ADK: variants seen among roughly 807,000 people sequenced by gnomAD.
ADK encodes the protein N6,N6-dimethyladenosine kinase.
ADK carries 24 observed loss-of-function variants against 44.7 expected under a neutral mutation model. The ratio of observed to expected loss-of-function variants is 0.54; its 90% CI spans 0.39 to 0.76. The LOEUF is 0.76. ADK is among the 30% of genes least tolerant of loss of function. The pLI is 0.00. For missense variants in ADK, 321 were observed against 425.1 expected, an observed-to-expected ratio of 0.76 and a Z score of 2.15; for synonymous variants, 128 against 142.6, an observed-to-expected ratio of 0.90 and a Z score of 0.73.
chr10:74,472,388 T>G (rs767969966), intron 6 of ADK, among the ~76,000 whole-genome samples: 27 of 152,176 alleles, frequency 1.8e-4, no homozygotes, highest in Admixed American at 6.5e-4. Context: ...TTTTGCCAAA[T>G]AGTTTTTCTG....
At chr10:74,356,002 A>ATATTGTTTTTTTTTTTT (rs57958159) in intron 4 of ADK, among the ~76,000 whole-genome samples, 1 of 83,310 alleles carries the variant, frequency 1.2e-5, no homozygotes, top group African/African-American at 5.1e-5. Flanking sequence ...TAAATAATTC[A>ATATTGTTTTTTTTTTTT]TTTTTTTTTT....
chr10:74,247,224 G>GTTTTTTTTTTTTTTTTTTTTTTTTTTTTT (rs142274121), intron 3 of ADK, among the ~76,000 whole-genome samples: 15 of 72,004 alleles, frequency 2.1e-4, no homozygotes, highest in Non-Finnish European at 2.8e-4. Context: ...TTTTTTTTAA[G>GTTTTTTTTTTTTTTTTTTTTTTTTTTTTT]TTTTTTTTTT....
intron 3 of ADK, among the ~76,000 whole-genome samples, chr10:74,232,879 C>G (rs1197365524): frequency 6.6e-6 from 1 of 152,168 alleles, no homozygotes; most frequent in African/African-American, 2.4e-5. Context: ...CCGCCTTGCC[C>G]TCCCAAAGTG....
chr10:74,182,007 A>G (rs1842577764), intron 1 of ADK, among the ~76,000 whole-genome samples: 1 of 152,164 alleles, frequency 6.6e-6, no homozygotes, highest in African/African-American at 2.4e-5. Context: ...TTAAGCCTAC[A>G]TTGGAAAATT....
chr10:74,451,067 CTT>C (rs35120068), intron 6 of ADK, among the ~76,000 whole-genome samples: 120 of 72,160 alleles, frequency 1.7e-3, no homozygotes, highest in African/African-American at 6.5e-3. Flanking sequence ...GCTCTGCTGC[CTT>C]TTTTTTTTTT....
intron 6 of ADK, among the ~76,000 whole-genome samples, chr10:74,463,499 G>A (rs1004387693): frequency 1.3e-5 from 2 of 152,016 alleles, no homozygotes; most frequent in African/African-American, 4.8e-5. Context: ...ATCTAATGCC[G>A]CCAGTTATCT....
At chr10:74,277,033 T>C (rs1846711494) in intron 3 of ADK, among the ~76,000 whole-genome samples, 1 of 152,130 alleles carries the variant, frequency 6.6e-6, no homozygotes, top group Non-Finnish European at 1.5e-5. Flanking sequence ...TTCTCCTGCC[T>C]CAGCCTCCGG....
intron 6 of ADK, among the ~76,000 whole-genome samples, chr10:74,500,214 A>G (rs1847842969): frequency 6.6e-6 from 1 of 152,148 alleles, no homozygotes; most frequent in African/African-American, 2.4e-5. Context: ...TCTTGGAACA[A>G]AGAAACACTA....
intron 3 of ADK, among the ~76,000 whole-genome samples, chr10:74,243,243 C>T (rs1003171855): frequency 2.0e-5 from 3 of 152,214 alleles, no homozygotes; most frequent in Non-Finnish European, 4.4e-5. Context: ...AGCTTTCTCT[C>T]GCTGGCTCCT....
intron 4 of ADK, among the ~76,000 whole-genome samples, chr10:74,338,114 T>TAACAAC (rs77774358): frequency 0.013 from 2,003 of 150,882 alleles, 14 homozygotes; most frequent in Middle Eastern, 0.021. Context: ...ATTTCTAGGA[T>TAACAAC]AACAACAACA....
chr10:74,532,058 A>G (rs1849307524), intron 7 of ADK, among the ~76,000 whole-genome samples: 1 of 152,248 alleles, frequency 6.6e-6, no homozygotes. Context: ...ACAATATATT[A>G]AAAGAGTAAT....
intron 7 of ADK, among the ~76,000 whole-genome samples, chr10:74,542,963 C>T (rs1335183015): frequency 1.3e-5 from 2 of 151,488 alleles, no homozygotes; most frequent in Admixed American, 1.3e-4. Context: ...TGCAGTGGTG[C>T]GATCTCGGCT....
chr10:74,194,122 C>T (rs1003929070), intron 1 of ADK, among the ~76,000 whole-genome samples: 10 of 151,954 alleles, frequency 6.6e-5, no homozygotes, highest in African/African-American at 2.2e-4. Context: ...TATGTGGAAG[C>T]CCTTGGGTAG....
intron 9 of ADK, among the ~76,000 whole-genome samples, chr10:74,663,937 T>C (rs1854846312): frequency 6.6e-6 from 1 of 152,156 alleles, no homozygotes; most frequent in African/African-American, 2.4e-5. Flanking sequence ...CGGATTCTCA[T>C]TTTTTCCCTA....
intron 3 of ADK, among the ~76,000 whole-genome samples, chr10:74,241,362 C>A (rs2132301927): frequency 6.6e-6 from 1 of 152,232 alleles, no homozygotes; most frequent in Admixed American, 6.5e-5. Flanking sequence ...AATTGATGAA[C>A]CAATATTGAC....
intron 2 of ADK, among the ~76,000 whole-genome samples, chr10:74,210,330 G>GGA (rs749530327): frequency 1.2e-5 from 1 of 84,920 alleles, no homozygotes. Flanking sequence ...TCCATCTCAG[G>GGA]AAAAAAAAAA....
At chr10:74,703,936 A>T (rs1856516955) in intron 10 of ADK, among the ~76,000 whole-genome samples, 1 of 152,228 alleles carries the variant, frequency 6.6e-6, no homozygotes, top group Admixed American at 6.5e-5. Flanking sequence ...TGATATGCAG[A>T]TGCTTTTTGT....
intron 3 of ADK, among the ~76,000 whole-genome samples, chr10:74,247,740 A>C (rs987458131): frequency 6.6e-6 from 1 of 152,208 alleles, no homozygotes; most frequent in African/African-American, 2.4e-5. Context: ...TATATGAAAC[A>C]GTGTAACCTT....
chr10:74,333,567 T>C (rs907199497), intron 4 of ADK, among the ~76,000 whole-genome samples: 2 of 152,220 alleles, frequency 1.3e-5, no homozygotes, highest in African/African-American at 4.8e-5. Context: ...TGTGAGTTAA[T>C]ATCCATGGTG....
Sources: allele counts gnomAD v4.1 joint callset (sites outside exome capture counted in the v4.1 genomes callset), GRCh38; gene constraint gnomAD v4.1.1; transcripts MANE v1.5; gene names NCBI Gene and HGNC (gene_info 2026-07-23, HGNC 2026-07-21).